MINK1: variants seen among roughly 807,000 people sequenced by gnomAD.
The protein encoded by MINK1 is misshapen like kinase 1.
MINK1 carries 46 observed loss-of-function variants against 178.4 expected under a neutral mutation model. The observed-to-expected ratio is 0.26, with a 90% CI of 0.20 to 0.33. The LOEUF is 0.33. MINK1 is among the 10% of genes least tolerant of loss of function. The pLI, the probability that MINK1 is intolerant of heterozygous loss-of-function variation, is 1.00. For synonymous variants in MINK1, 797 were observed against 709.7 expected (o/e 1.12, Z -1.96); for missense variants, 1,366 against 1,814.9 (o/e 0.75, Z 4.49).
intron 1 of MINK1, among the ~76,000 whole-genome samples, chr17:4,864,495 G>A (rs1271259739): frequency 6.6e-6 from 1 of 151,754 alleles, no homozygotes; most frequent in African/African-American, 2.4e-5. Context: ...AGGCCGAGGT[G>A]GAGTGGATCA....
At position 4,886,427 on chromosome 17, in the gene MINK1, A is replaced by G. The variant is rs747472234; in HGVS notation, c.774-24A>G. ...CCATCCCTTCTGAGGGGACCCTCCC[A>G]GTGTGAGCCACCACTGTTTCCAGGT... On this transcript the variant is annotated intron_variant, in intron 9 of 31. Coordinates refer to ENST00000355280, the MANE Select transcript of MINK1 (RefSeq NM_153827.5). This position sits in a 1 kb window ranked among gnomAD's most constrained non-coding sequence, Gnocchi z 6.1. 6 of 1,587,270 alleles carry G rather than the reference A, an allele frequency of 3.8e-6. No individual in the cohort carries two copies. Among genetic ancestry groups the G allele is most frequent in the Non-Finnish European group, 5.1e-6 (6 of 1,165,658 alleles).
rs1311036130 is a variant in MINK1 at position 4,887,356 on chromosome 17, G to A, written c.1019+177G>A. On this transcript the variant is annotated intron_variant, in intron 11 of 31. Transcript: ENST00000355280. This position sits in a 1 kb window ranked among gnomAD's most constrained non-coding sequence, Gnocchi z 7.6. ...GAACCAATGACTGAGCAAGAGCTGG[G>A]GAGAGAGCAATTTGTGGTGAATGTG... Among the ~76,000 whole-genome samples the A allele has an allele frequency of 6.6e-6, 1 of 152,150 alleles. No homozygotes were observed. The highest frequency in any genetic ancestry group is 1.5e-5 in the Non-Finnish European group (1 of 68,036).
intron 1 of MINK1, among the ~76,000 whole-genome samples, chr17:4,864,169 G>A (rs1031465135): frequency 3.9e-5 from 6 of 151,920 alleles, no homozygotes; most frequent in Non-Finnish European, 5.9e-5. Flanking sequence ...GGAGGCTGAG[G>A]TGGGTGGATC....
intron 1 of MINK1, 124 bp from the exon 2 acceptor site, chr17:4,878,193 A>T (rs998197319): frequency 1.3e-6 from 1 of 762,260 alleles, no homozygotes; most frequent in African/African-American, 1.7e-5. Flanking sequence ...GGTTCCTGCC[A>T]CGTGCCCTCC....
chr17:4,875,995 C>G (rs1486226720), intron 1 of MINK1, among the ~76,000 whole-genome samples: 1 of 151,898 alleles, frequency 6.6e-6, no homozygotes, highest in Admixed American at 6.6e-5. Context: ...CGGGGTTTCA[C>G]CATGTTAGCC....
chr17:4,858,234 G>A (rs1250789243), intron 1 of MINK1, among the ~76,000 whole-genome samples: 1 of 152,008 alleles, frequency 6.6e-6, no homozygotes, highest in East Asian at 1.9e-4. Flanking sequence ...CTTCCTCTCT[G>A]TGTGGGCCTT....
rs770257978 is a variant in MINK1 at position 4,890,560 on chromosome 17, G to A, written c.1391G>A (p.Arg464His). The A allele has an allele frequency of 4.4e-6, 7 of 1,586,570 alleles. No homozygotes were observed. Among genetic ancestry groups the A allele is most frequent in the East Asian group, 2.3e-5 (1 of 43,348 alleles). ...CTGGAGGAGCAGCGGCAGTCAGAAC[G>A]TCTCCAGAGGCAGCTGCAGCAGGAG... is the stretch of plus-strand genomic sequence containing the variant. ...KQLEEQRQSE[R>H]LQRQLQQEHA... Residue 464 changes from arginine (R) to histidine (H), a missense_variant, in exon 14 of 32, where the codon CGT becomes CAT. By Grantham distance (29) the Arg-to-His change is conservative. This residue lies in a region of MINK1 where 87 missense variants were observed against 78.9 expected (regional missense o/e 1.10). Coordinates refer to ENST00000355280, the MANE Select transcript of MINK1 (RefSeq NM_153827.5).
chr17:4,858,995 A>C, intron 1 of MINK1: 1 of 352,326 alleles, frequency 2.8e-6, no homozygotes, highest in Non-Finnish European at 4.0e-6. Context: ...AACACCAGGC[A>C]CCCGGGGCAG....
intron 1 of MINK1, chr17:4,868,968 G>A (rs1915450087): frequency 5.9e-6 from 1 of 170,408 alleles, no homozygotes; most frequent in South Asian, 9.0e-5. Flanking sequence ...CTGTCGTGCA[G>A]GCTGGTGTGC....
intron 17 of MINK1, 51 bp downstream of exon 17, chr17:4,892,285 G>C (rs1968905739): frequency 6.6e-7 from 1 of 1,519,024 alleles, no homozygotes; most frequent in African/African-American, 1.4e-5. Flanking sequence ...GCAGCCTAGG[G>C]AGTAGGGGGG....
intron 1 of MINK1, among the ~76,000 whole-genome samples, chr17:4,863,851 G>A (rs1379170229): frequency 7.2e-5 from 11 of 151,946 alleles, no homozygotes; most frequent in African/African-American, 1.9e-4. Flanking sequence ...GTGCGGTGGC[G>A]CAATCTCGGC....
intron 1 of MINK1, among the ~76,000 whole-genome samples, chr17:4,867,802 A>G (rs1466345442): frequency 6.6e-6 from 1 of 151,882 alleles, no homozygotes; most frequent in Non-Finnish European, 1.5e-5. Flanking sequence ...ACAGAGTGAG[A>G]CTGTCTCCAA....
intron 1 of MINK1, among the ~76,000 whole-genome samples, chr17:4,853,904 A>G (rs1451999424): frequency 2.0e-5 from 3 of 152,132 alleles, no homozygotes; most frequent in Non-Finnish European, 2.9e-5. Flanking sequence ...AAGATACTCC[A>G]GCTGGGGATA....
At chr17:4,852,023 A>AAAAAAAAAAAAC (rs1567566182) in intron 1 of MINK1, among the ~76,000 whole-genome samples, 1 of 133,910 alleles carries the variant, frequency 7.5e-6, no homozygotes. Context: ...AAAAAAAAAA[A>AAAAAAAAAAAAC]AAAACTAAGA....
Position 4,895,870 on chromosome 17 carries a change from T to C in MINK1, c.3364+38T>C, listed in dbSNP as rs538256346. 7.5e-6 allele frequency: 12 copies of C among 1,604,304 alleles called. No individual in the cohort carries two copies. In the East Asian group the frequency reaches 2.5e-4, roughly 33 times the overall value. On this transcript the variant is annotated intron_variant, in intron 27 of 31. Coordinates refer to ENST00000355280, the MANE Select transcript of MINK1 (RefSeq NM_153827.5). The surrounding 1 kb of genome is among the most constrained non-coding windows in gnomAD (Gnocchi z 4.3). Reference sequence around the variant, plus strand: ...CAACAGAGTGGCCAGCGCATACTTGTTCATGAAGAGAGAAATGGATCTGGG... The same window carrying C: ...CAACAGAGTGGCCAGCGCATACTTGCTCATGAAGAGAGAAATGGATCTGGG...
At chr17:4,845,583 C>T (rs1198546839) in intron 1 of MINK1, among the ~76,000 whole-genome samples, 1 of 152,032 alleles carries the variant, frequency 6.6e-6, no homozygotes, top group Non-Finnish European at 1.5e-5. Context: ...GCTCTGTATT[C>T]CTCTAGTGTT....
rs1969367813 is a variant in MINK1 at position 4,895,622 on chromosome 17, CAG to C, written c.3230-73_3230-72del. The C allele has an allele frequency of 1.9e-6, 3 of 1,573,986 alleles. No homozygotes were observed. Among genetic ancestry groups the C allele is most frequent in the African/African-American group, 1.3e-5 (1 of 74,342 alleles). On this transcript the variant is annotated intron_variant, in intron 26 of 31. Coordinates refer to ENST00000355280, the MANE Select transcript of MINK1 (RefSeq NM_153827.5). This position sits in a 1 kb window ranked among gnomAD's most constrained non-coding sequence, Gnocchi z 4.3. ...TTTCTCACCCCTTGTGGTATGCTGA[CAG>C]AGGAGGCCAGGGCGGTGGCATTCGG...
rs560081617 is a variant in MINK1, at chr17:4,836,280, G to A, written c.57+2640G>A. On this transcript the variant is annotated intron_variant, in intron 1 of 31. Coordinates refer to ENST00000355280, the MANE Select transcript of MINK1 (RefSeq NM_153827.5). The surrounding 1 kb of genome is among the most constrained non-coding windows in gnomAD (Gnocchi z 4.3). ...TATTTCTCCTCTTGTTTCAAGATAA[G>A]GCTTGGTTTTCAGCTGGTGATGAGG... Among the ~76,000 whole-genome samples the A allele has an allele frequency of 2.0e-5, 3 of 152,254 alleles. No individual in the cohort carries two copies. The highest frequency in any genetic ancestry group is 7.2e-5 in the African/African-American group (3 of 41,546).
chr17:4,897,389 A>G lies in MINK1; in HGVS notation c.*102A>G, dbSNP rs1333195173. 9.1e-7 allele frequency: 1 copy of G among 1,104,290 alleles called. No individual in the cohort carries two copies. The highest frequency in any genetic ancestry group is 1.6e-5 in the African/African-American group (1 of 63,672). 68.4% of individuals were successfully genotyped at this position (1,104,290 alleles called of 1,614,324 possible). ...TTCCCCTCCCTGGGCTTTTGCTTTTACTGGTTTGATTTCACTGGAGCCTGC... is the reference window on the plus strand; with the variant it reads ...TTCCCCTCCCTGGGCTTTTGCTTTTGCTGGTTTGATTTCACTGGAGCCTGC... On this transcript the variant is annotated 3_prime_UTR_variant, in exon 32 of 32. Transcript: ENST00000355280.
Sources: gnomAD v4.1 joint callset for allele counts (sites outside exome capture counted in the v4.1 genomes callset) on GRCh38, gnomAD v4.1.1 for gene constraint, gnomAD v4.1.1 regional missense constraint, Gnocchi (gnomAD v3.1) non-coding constraint, MANE v1.5 for transcripts, NCBI Gene and HGNC (gene_info 2026-07-23, HGNC 2026-07-21) for gene names.